DHRS7B: variants seen among roughly 807,000 people sequenced by gnomAD.
The protein encoded by DHRS7B is dehydrogenase/reductase 7B.
Under a neutral mutation model 26.4 loss-of-function variants are expected in DHRS7B, and 24 were observed. The observed-to-expected ratio is 0.91, with a 90% CI of 0.66 to 1.28. The LOEUF (loss-of-function observed/expected upper bound fraction) is 1.28. DHRS7B is among the 50% of genes most tolerant of loss of function. The probability of loss-of-function intolerance (pLI) is 0.00; values close to 1 mark genes in which losing one functional copy is unlikely to be tolerated. For synonymous variants in DHRS7B, 142 were observed against 166.4 expected (o/e 0.85, Z 1.13); for missense variants, 368 against 419.4 (o/e 0.88, Z 1.07).
intron 1 of DHRS7B, among the ~76,000 whole-genome samples, chr17:21,140,022 CTTTTTTTTTT>C (rs201900387): frequency 9.4e-6 from 1 of 106,702 alleles, no homozygotes. Flanking sequence ...CTTTCAGATT[CTTTTTTTTTT>C]TTTTTTTTTT....
chr17:21,151,536 G>C (rs1973772297), intron 1 of DHRS7B, among the ~76,000 whole-genome samples: 1 of 148,146 alleles, frequency 6.8e-6, no homozygotes, highest in Non-Finnish European at 1.5e-5. Context: ...AAAAGAAGTT[G>C]CCACTTGTTC....
chr17:21,129,704 C>CAAAA lies in DHRS7B; in HGVS notation c.20+2730_20+2733dup, dbSNP rs61077377. Reference sequence around the variant, plus strand: ...TGGGCAGCAGAGTAAGACCCTGACTCAAAAAAAAAAAAAAAAAAAAGAAAA... The same window carrying CAAAA: ...TGGGCAGCAGAGTAAGACCCTGACTCAAAAAAAAAAAAAAAAAAAAAAAAGAAAA... On this transcript the variant is annotated intron_variant, in intron 1 of 6. Transcript: ENST00000395511. Among the ~76,000 whole-genome samples the CAAAA allele has an allele frequency of 8.0e-3, 595 of 74,548 alleles. 14 individuals are homozygous for CAAAA. The highest frequency in any genetic ancestry group is 0.014 in the African/African-American group (285 of 20,990). The allele number at this position is 74,548 out of a possible 152,430, so 48.9% of individuals were successfully genotyped here. A position where few individuals can be genotyped will look rare whatever the true frequency, so the allele number is the denominator to read the frequency against.
In DHRS7B at chr17:21,178,316, G is replaced by T; in HGVS notation, c.283G>T (p.Glu95Ter). 4.3e-6 allele frequency: 7 copies of T among 1,614,132 alleles called. No homozygotes were observed. Among genetic ancestry groups the T allele is most frequent in the Non-Finnish European group, 5.9e-6 (7 of 1,180,040 alleles). ...NGGALEELIR[E>*]LTASHATKVQ... The stretch of plus-strand genomic sequence containing the variant: ...TGGGGCCCTAGAAGAGCTCATCAGA[G>T]AACTCACCGCTTCTCATGCCACCAA... Residue 95 changes from glutamate (E) to a stop codon, truncating the protein, a stop_gained, in exon 3 of 7, where the codon GAA (glutamate) becomes TAA (stop). Transcript: ENST00000395511. LOFTEE classifies it high-confidence loss of function.
rs1308395153 is a variant in DHRS7B at position 21,175,928 on chromosome 17, A to T, written c.200-2305A>T. ...GGGTGCAGAGCGAGACCCTGTATCAAAAAAAAAAAAAAAAAAAGTAAAAAA... is the reference window on the plus strand; with the variant it reads ...GGGTGCAGAGCGAGACCCTGTATCATAAAAAAAAAAAAAAAAAGTAAAAAA... On this transcript the variant is annotated intron_variant, in intron 2 of 6. Coordinates refer to ENST00000395511, the MANE Select transcript of DHRS7B (RefSeq NM_015510.5). Among the ~76,000 whole-genome samples the T allele has an allele frequency of 3.7e-3, 39 of 10,430 alleles. No individual in the cohort carries two copies. The East Asian group carries it at 0.044, about 12-fold the overall frequency. 6.8% of individuals were successfully genotyped at this position (10,430 alleles called of 152,430 possible). A position where few individuals can be genotyped will look rare whatever the true frequency, so the allele number is the denominator to read the frequency against.
chr17:21,178,657 GTTTT>G (rs373480205), intron 3 of DHRS7B, among the ~76,000 whole-genome samples: 5 of 134,738 alleles, frequency 3.7e-5, no homozygotes, highest in African/African-American at 2.8e-5. Context: ...TTTAAAAGGT[GTTTT>G]TTTTTTTTTT....
intron 5 of DHRS7B, among the ~76,000 whole-genome samples, chr17:21,187,347 C>T (rs1410035710): frequency 3.3e-5 from 5 of 151,068 alleles, no homozygotes; most frequent in South Asian, 4.2e-4. Flanking sequence ...AACAGAAGGC[C>T]GGGTGCGGTG....
chr17:21,175,926 CAA>C (rs60913350), intron 2 of DHRS7B, among the ~76,000 whole-genome samples: 22,267 of 126,212 alleles, frequency 0.18, 2,091 homozygotes, highest in East Asian at 0.28. Context: ...GACCCTGTAT[CAA>C]AAAAAAAAAA....
chr17:21,172,337 C>G (rs557318410), intron 2 of DHRS7B, 141 bp downstream of exon 2: 1 of 1,040,222 alleles, frequency 9.6e-7, no homozygotes, highest in Admixed American at 2.0e-5. Flanking sequence ...CCGGATGGCA[C>G]TGTCCTTGGT....
chr17:21,175,092 G>A (rs969272715), intron 2 of DHRS7B, among the ~76,000 whole-genome samples: 7 of 152,310 alleles, frequency 4.6e-5, no homozygotes, highest in East Asian at 3.9e-4. Flanking sequence ...CCTCTTTCCC[G>A]AAGACTGTCG....
Position 21,183,767 on chromosome 17 carries a change from G to A in DHRS7B, c.483G>A (p.Arg161=), listed in dbSNP as rs764663906. ...ACACCACAGTGGATGTGGACAAGAG[G>A]GTCATGGAGACAAACTACTTTGGCC... ...IMDTTVDVDK[R]VMETNYFGPV... Residue 161 remains arginine, a synonymous_variant, in exon 4 of 7, where the codon AGG becomes AGA. Transcript: ENST00000395511. 8 of 1,614,180 alleles carry A rather than the reference G, an allele frequency of 5.0e-6. No individual in the cohort carries two copies. The Admixed American group carries it at 5.0e-5, about 10-fold the overall frequency.
At chr17:21,138,051 G>T (rs1253521233) in intron 1 of DHRS7B, among the ~76,000 whole-genome samples, 3 of 134,098 alleles carry the variant, frequency 2.2e-5, no homozygotes, top group Non-Finnish European at 4.6e-5. Flanking sequence ...GGGATTACAG[G>T]TGCCCGGCCT....
chr17:21,157,253 T>C (rs1973902385), intron 1 of DHRS7B, among the ~76,000 whole-genome samples: 1 of 152,130 alleles, frequency 6.6e-6, no homozygotes, highest in African/African-American at 2.4e-5. Context: ...CCAAAGATAT[T>C]ACAAGAAAAT....
intron 1 of DHRS7B, among the ~76,000 whole-genome samples, chr17:21,150,837 G>A (rs560727930): frequency 3.9e-5 from 6 of 152,204 alleles, no homozygotes; most frequent in African/African-American, 1.2e-4. Context: ...CCCCTATCTC[G>A]AGATTCTTAA....
At chr17:21,129,314 G>C (rs908646103) in intron 1 of DHRS7B, among the ~76,000 whole-genome samples, 3 of 152,096 alleles carry the variant, frequency 2.0e-5, no homozygotes, top group African/African-American at 7.2e-5. Context: ...AGACTTAAAG[G>C]ACTGAGTTGG....
At chr17:21,175,389 C>A (rs901144563) in intron 2 of DHRS7B, among the ~76,000 whole-genome samples, 5 of 152,248 alleles carry the variant, frequency 3.3e-5, no homozygotes, top group African/African-American at 1.2e-4. Flanking sequence ...AGCCCTGATC[C>A]TCTGACCCTG....
chr17:21,187,563 T>A (rs1974669782), intron 5 of DHRS7B, among the ~76,000 whole-genome samples: 1 of 150,226 alleles, frequency 6.7e-6, no homozygotes, highest in Non-Finnish European at 1.5e-5. Context: ...GAGGCGGAGT[T>A]TGCAGTGAGC....
intron 1 of DHRS7B, among the ~76,000 whole-genome samples, chr17:21,156,475 T>G (rs1973882951): frequency 1.3e-5 from 2 of 151,440 alleles, no homozygotes; most frequent in Admixed American, 6.6e-5. Context: ...CATGGTGTTG[T>G]GCACCTGTAA....
chr17:21,139,534 C>CGT (rs1322708024), intron 1 of DHRS7B, among the ~76,000 whole-genome samples: 2 of 151,962 alleles, frequency 1.3e-5, no homozygotes, highest in East Asian at 3.9e-4. Context: ...ATTAGCTGGG[C>CGT]GTGGTGGCAC....
chr17:21,189,485 T>A (rs1000502031), intron 6 of DHRS7B, among the ~76,000 whole-genome samples: 5 of 152,176 alleles, frequency 3.3e-5, no homozygotes, highest in Non-Finnish European at 5.9e-5. Flanking sequence ...TGCCTCCCCA[T>A]GCTTGGAACA....
Sources: gnomAD v4.1 joint callset for allele counts (sites outside exome capture counted in the v4.1 genomes callset) on GRCh38, gnomAD v4.1.1 for gene constraint, MANE v1.5 for transcripts, NCBI Gene and HGNC (gene_info 2026-07-23, HGNC 2026-07-21) for gene names.